B3GALT1: variants seen among roughly 807,000 people sequenced by gnomAD.
The protein encoded by B3GALT1 is beta-1,3-galactosyltransferase 1, also known as UDP-Gal:betaGlcNAc beta 1,3-galactosyltransferase, polypeptide 1.
Under a neutral mutation model 23.2 loss-of-function variants are expected in B3GALT1, and 10 were observed. The observed-to-expected ratio is 0.43, with a 90% CI of 0.27 to 0.73. The LOEUF is 0.73. Ranked by LOEUF, B3GALT1 falls within the 30% of genes least tolerant of loss-of-function variation. The pLI is 0.21. For synonymous variants in B3GALT1, 156 were observed against 141.5 expected, an observed-to-expected ratio of 1.10 and a Z score of -0.73; for missense variants, 299 against 405.4, an observed-to-expected ratio of 0.74 and a Z score of 2.25.
intron 3 of B3GALT1, among the ~76,000 whole-genome samples, chr2:167,793,891 C>T (rs1350641044): frequency 2.6e-5 from 4 of 152,220 alleles, no homozygotes; most frequent in Non-Finnish European, 4.4e-5. Context: ...AAGACTCTCC[C>T]TTCATGCCCT....
intron 2 of B3GALT1, among the ~76,000 whole-genome samples, chr2:167,626,549 C>G (rs1685351097): frequency 6.6e-6 from 1 of 151,548 alleles, no homozygotes; most frequent in African/African-American, 2.4e-5. Flanking sequence ...AGAGAACATA[C>G]AGTTCTTTTT....
intron 3 of B3GALT1, among the ~76,000 whole-genome samples, chr2:167,706,406 G>A (rs528374675): frequency 1.2e-4 from 18 of 152,242 alleles, no homozygotes; most frequent in Admixed American, 9.2e-4. Flanking sequence ...GTCTGGACTC[G>A]CTAGACTCTA....
intron 1 of B3GALT1, among the ~76,000 whole-genome samples, chr2:167,479,904 T>G (rs1193452055): frequency 6.6e-6 from 1 of 152,156 alleles, no homozygotes; most frequent in Non-Finnish European, 1.5e-5. Flanking sequence ...GTGCTGCTTA[T>G]TAGCTGGGGA....
intron 2 of B3GALT1, among the ~76,000 whole-genome samples, chr2:167,632,129 C>CT (rs2105448083): frequency 6.6e-6 from 1 of 152,088 alleles, no homozygotes; most frequent in South Asian, 2.1e-4. Context: ...TGAACTCATC[C>CT]TTTTTTATGG....
At chr2:167,665,467 G>C (rs1323173124) in intron 3 of B3GALT1, among the ~76,000 whole-genome samples, 1 of 150,698 alleles carries the variant, frequency 6.6e-6, no homozygotes, top group East Asian at 1.9e-4. Context: ...TCAGGATGAT[G>C]CTGGCCTCAT....
At chr2:167,462,261 G>A (rs1463754891) in intron 1 of B3GALT1, among the ~76,000 whole-genome samples, 1 of 152,078 alleles carries the variant, frequency 6.6e-6, no homozygotes, top group African/African-American at 2.4e-5. Context: ...TTTAGCAGCT[G>A]TCTTACAAGC....
In B3GALT1 at chr2:167,316,587, C is replaced by T. The variant is rs531678395; in HGVS notation, c.-511+23253C>T. 3.5e-4 allele frequency among the ~76,000 whole-genome samples: 53 copies of T among 152,190 alleles called. No homozygotes were observed. In the South Asian group the frequency reaches 9.5e-3, roughly 27 times the overall value. ...GCCCCCATGCAGGGCAGGTTGGACA[C>T]GTCCAGAGGTTAGGTCTTGGCTAAT... On this transcript the variant is annotated intron_variant, in intron 1 of 4. Coordinates refer to ENST00000392690, the MANE Select transcript of B3GALT1 (RefSeq NM_020981.4).
At chr2:167,810,344 G>A (rs920754588) in intron 3 of B3GALT1, among the ~76,000 whole-genome samples, 10 of 150,868 alleles carry the variant, frequency 6.6e-5, no homozygotes, top group Non-Finnish European at 1.3e-4. Flanking sequence ...AGTTGGAAAT[G>A]CAGAAATCAC....
At chr2:167,744,961 T>A (rs150574974) in intron 3 of B3GALT1, among the ~76,000 whole-genome samples, 1 of 152,354 alleles carries the variant, frequency 6.6e-6, no homozygotes, top group East Asian at 1.9e-4. Context: ...GATTTTTTTA[T>A]TGGCAATTTA....
chr2:167,331,801 GCTGTGCTGCAACCCTGCTACTGA>G (rs1466249807), intron 1 of B3GALT1, among the ~76,000 whole-genome samples: 3,014 of 152,286 alleles, frequency 0.02, 126 homozygotes, highest in African/African-American at 0.069. Flanking sequence ...GGTAGCAGCA[GCTGTGCTGCAACCCTGCTACTGA>G]GGAAGGCAGA....
chr2:167,376,651 A>G (rs1261136424), intron 1 of B3GALT1, among the ~76,000 whole-genome samples: 1 of 151,924 alleles, frequency 6.6e-6, no homozygotes, highest in East Asian at 1.9e-4. Context: ...ATAGTCTTTG[A>G]GGATCTTTTG....
chr2:167,816,570 T>C (rs1422225178), intron 3 of B3GALT1, among the ~76,000 whole-genome samples: 5 of 152,210 alleles, frequency 3.3e-5, no homozygotes, highest in Non-Finnish European at 7.4e-5. Context: ...CATTCCTTGC[T>C]TCCCTTTTCT....
intron 3 of B3GALT1, among the ~76,000 whole-genome samples, chr2:167,739,226 C>A (rs1218291557): frequency 6.6e-6 from 1 of 152,154 alleles, no homozygotes; most frequent in Non-Finnish European, 1.5e-5. Flanking sequence ...TTTTTCCAAA[C>A]ACCTGTAATT....
intron 1 of B3GALT1, among the ~76,000 whole-genome samples, chr2:167,463,185 C>T (rs1699291170): frequency 6.6e-6 from 1 of 151,958 alleles, no homozygotes; most frequent in Non-Finnish European, 1.5e-5. Context: ...ATTAGGACTT[C>T]ATTGTTCTCT....
chr2:167,561,475 TAG>T (rs1444737959), intron 2 of B3GALT1, among the ~76,000 whole-genome samples: 6 of 151,090 alleles, frequency 4.0e-5, no homozygotes, highest in Non-Finnish European at 7.4e-5. Context: ...CTGAAGGAAA[TAG>T]AGACACAAAA....
chr2:167,423,204 G>A (rs1698573979), intron 1 of B3GALT1, among the ~76,000 whole-genome samples: 2 of 152,226 alleles, frequency 1.3e-5, no homozygotes, highest in South Asian at 2.1e-4. Flanking sequence ...GAAGGTAAAA[G>A]GCTAGAGGAA....
intron 1 of B3GALT1, among the ~76,000 whole-genome samples, chr2:167,454,997 C>A (rs992867453): frequency 6.6e-6 from 1 of 152,230 alleles, no homozygotes; most frequent in Non-Finnish European, 1.5e-5. Flanking sequence ...CAGGGACACT[C>A]TCCCTGAAGA....
intron 1 of B3GALT1, among the ~76,000 whole-genome samples, chr2:167,454,196 A>AGTGTGTGTGT (rs35747652): frequency 3.4e-4 from 51 of 152,056 alleles, no homozygotes; most frequent in African/African-American, 1.2e-3. Flanking sequence ...ATAACAGGAA[A>AGTGTGTGTGT]GTGTGTGTGT....
intron 2 of B3GALT1, among the ~76,000 whole-genome samples, chr2:167,572,335 T>C (rs779461052): frequency 1.3e-5 from 2 of 151,872 alleles, no homozygotes; most frequent in Admixed American, 6.6e-5. Context: ...CTGTTCAAGT[T>C]GTAAATTATA....
Sources: allele counts gnomAD v4.1 joint callset (sites outside exome capture counted in the v4.1 genomes callset), GRCh38; gene constraint gnomAD v4.1.1; transcripts MANE v1.5; gene names NCBI Gene and HGNC (gene_info 2026-07-23, HGNC 2026-07-21).